COMMD10: variants seen among roughly 807,000 people sequenced by gnomAD.
COMMD10 encodes the protein COMM domain containing 10.
Under a neutral mutation model 28.9 loss-of-function variants are expected in COMMD10, and 33 were observed. The observed-to-expected ratio is 1.14, with a 90% CI of 0.87 to 1.53. The LOEUF (loss-of-function observed/expected upper bound fraction) is 1.53, where lower values mean the gene tolerates loss of function less well. COMMD10 is among the 40% of genes most tolerant of loss of function. COMMD10 has a pLI of 0.00. For synonymous variants in COMMD10, 110 were observed against 81.7 expected (o/e 1.35, Z -1.87); for missense variants, 310 against 233.4 (o/e 1.33, Z -2.14).
At chr5:116,155,867 C>A (rs1456133825) in intron 5 of COMMD10, among the ~76,000 whole-genome samples, 1 of 151,850 alleles carries the variant, frequency 6.6e-6, no homozygotes, top group East Asian at 1.9e-4. Flanking sequence ...TCATTTAGAA[C>A]CATTAAATTT....
At chr5:116,202,648 AT>A (rs1328513712) in intron 5 of COMMD10, among the ~76,000 whole-genome samples, 1 of 151,786 alleles carries the variant, frequency 6.6e-6, no homozygotes, top group Non-Finnish European at 1.5e-5. Flanking sequence ...GATGATGAGC[AT>A]TTTTTCATGT....
chr5:116,128,701 G>T (rs1164727743), intron 4 of COMMD10, among the ~76,000 whole-genome samples: 5 of 151,818 alleles, frequency 3.3e-5, no homozygotes, highest in Non-Finnish European at 5.9e-5. Flanking sequence ...CTATAGGTCT[G>T]GCAAATAATA....
chr5:116,088,658 A>T (rs540227722), intron 2 of COMMD10, among the ~76,000 whole-genome samples: 1 of 152,284 alleles, frequency 6.6e-6, no homozygotes, highest in African/African-American at 2.4e-5. Context: ...GAACTTTTTC[A>T]GCAATGTGTC....
At chr5:116,274,325 A>G (rs1392507467) in intron 5 of COMMD10, among the ~76,000 whole-genome samples, 1 of 151,844 alleles carries the variant, frequency 6.6e-6, no homozygotes, top group Non-Finnish European at 1.5e-5. Flanking sequence ...TCTGTAAAAC[A>G]CCAAATAGTA....
intron 5 of COMMD10, among the ~76,000 whole-genome samples, chr5:116,212,799 T>G (rs1307933657): frequency 6.6e-6 from 1 of 152,104 alleles, no homozygotes; most frequent in African/African-American, 2.4e-5. Flanking sequence ...AAAATGTATG[T>G]TAGAATTTTA....
chr5:116,187,345 T>A (rs1276037018), intron 5 of COMMD10, among the ~76,000 whole-genome samples: 1 of 152,156 alleles, frequency 6.6e-6, no homozygotes, highest in African/African-American at 2.4e-5. Flanking sequence ...GTTTTGTGAA[T>A]TTTATTTATA....
intron 5 of COMMD10, among the ~76,000 whole-genome samples, chr5:116,256,321 TGAA>T (rs1750284001): frequency 6.6e-6 from 1 of 151,734 alleles, no homozygotes; most frequent in South Asian, 2.1e-4. Flanking sequence ...GTTGAGTATA[TGAA>T]GAATATTATT....
intron 5 of COMMD10, among the ~76,000 whole-genome samples, chr5:116,138,914 C>G (rs534538609): frequency 1.3e-5 from 2 of 151,744 alleles, no homozygotes; most frequent in East Asian, 3.9e-4. Context: ...GTGGTTAAAA[C>G]CTCTCTTCCA....
chr5:116,109,913 T>A (rs1181209176), intron 4 of COMMD10, among the ~76,000 whole-genome samples: 1 of 152,226 alleles, frequency 6.6e-6, no homozygotes, highest in Non-Finnish European at 1.5e-5. Context: ...CTATGTTAAA[T>A]AGGAGTAGTG....
intron 5 of COMMD10, among the ~76,000 whole-genome samples, chr5:116,171,648 A>G (rs1330329789): frequency 1.3e-5 from 2 of 152,202 alleles, no homozygotes; most frequent in Non-Finnish European, 2.9e-5. Flanking sequence ...CTATTCAGCC[A>G]TAAAAAAGGG....
intron 5 of COMMD10, among the ~76,000 whole-genome samples, chr5:116,244,796 C>G (rs551720077): frequency 6.6e-6 from 1 of 151,178 alleles, no homozygotes; most frequent in Non-Finnish European, 1.5e-5. Flanking sequence ...AACAGAGATA[C>G]AAAATACCGG....
At chr5:116,239,599 CACG>C (rs1353348051) in intron 5 of COMMD10, among the ~76,000 whole-genome samples, 1 of 152,024 alleles carries the variant, frequency 6.6e-6, no homozygotes, top group African/African-American at 2.4e-5. Context: ...TGCCAACTTC[CACG>C]ACATTTAGAA....
At chr5:116,202,937 T>G (rs1415307826) in intron 5 of COMMD10, among the ~76,000 whole-genome samples, 4 of 152,092 alleles carry the variant, frequency 2.6e-5, no homozygotes, top group African/African-American at 9.7e-5. Context: ...TTGCTTTTGG[T>G]GTTTTAGACA....
intron 5 of COMMD10, among the ~76,000 whole-genome samples, chr5:116,209,921 T>A (rs568836338): frequency 1.3e-5 from 2 of 152,264 alleles, no homozygotes; most frequent in Non-Finnish European, 2.9e-5. Flanking sequence ...CTGGGTAAAT[T>A]GTAAAGAATA....
At chr5:116,133,494 G>A (rs1307916618) in intron 4 of COMMD10, among the ~76,000 whole-genome samples, 1 of 152,182 alleles carries the variant, frequency 6.6e-6, no homozygotes, top group African/African-American at 2.4e-5. Context: ...AACACTTGCT[G>A]GGTAGTAGAT....
chr5:116,287,908 A>G (rs1024083493), intron 5 of COMMD10, among the ~76,000 whole-genome samples: 3 of 151,822 alleles, frequency 2.0e-5, no homozygotes, highest in Non-Finnish European at 4.4e-5. Flanking sequence ...TATTACATGT[A>G]CATTAATATA....
At chr5:116,186,741 A>G (rs547902786) in intron 5 of COMMD10, among the ~76,000 whole-genome samples, 5 of 152,264 alleles carry the variant, frequency 3.3e-5, no homozygotes, top group Non-Finnish European at 5.9e-5. Context: ...GACTGAATAA[A>G]TTAACAACTG....
At chr5:116,177,299 C>G (rs1177760158) in intron 5 of COMMD10, among the ~76,000 whole-genome samples, 1 of 77,886 alleles carries the variant, frequency 1.3e-5, no homozygotes, top group Non-Finnish European at 2.2e-5. Flanking sequence ...ACAGCTTTCT[C>G]TCTCATCTTC....
At chr5:116,090,381 G>C (rs1750256994) in intron 2 of COMMD10, among the ~76,000 whole-genome samples, 1 of 152,206 alleles carries the variant, frequency 6.6e-6, no homozygotes, top group Non-Finnish European at 1.5e-5. Flanking sequence ...CGTGCCAGCG[G>C]TTTGCATTGG....
Sources: allele counts gnomAD v4.1 joint callset (sites outside exome capture counted in the v4.1 genomes callset), GRCh38; gene constraint gnomAD v4.1.1; transcripts MANE v1.5; gene names NCBI Gene and HGNC (gene_info 2026-07-23, HGNC 2026-07-21).